The following ZFYVE27 variants were observed in gnomAD, a reference collection of about 807,000 sequenced individuals.
ZFYVE27 encodes the protein protrudin.
ZFYVE27 carries 36 observed loss-of-function variants against 52.8 expected under a neutral mutation model. The observed-to-expected ratio is 0.68, with a 90% confidence interval of 0.52 to 0.90. ZFYVE27 has a LOEUF of 0.90. ZFYVE27 is among the 40% of genes least tolerant of loss of function. ZFYVE27 has a pLI of 0.00. For missense variants in ZFYVE27, 450 were observed against 527.2 expected (o/e 0.85, Z 1.43); for synonymous variants, 223 against 215.6 (o/e 1.03, Z -0.30).
At chr10:97,752,778 GC>G in intron 8 of ZFYVE27, 78 bp from the exon 9 acceptor site, 1 of 1,539,272 alleles carries the variant, frequency 6.5e-7, no homozygotes, top group Non-Finnish European at 8.8e-7. Flanking sequence ...CTGCTTGGGG[GC>G]CCCTCCAGGT....
chr10:97,759,388 G>C lies in ZFYVE27; in HGVS notation c.*88G>C, dbSNP rs565747755. The C allele has an allele frequency of 2.1e-6, 3 of 1,432,162 alleles. No homozygotes were observed. In the East Asian group the frequency reaches 6.8e-5, roughly 33 times the overall value. 88.7% of individuals were successfully genotyped at this position (1,432,162 alleles called of 1,614,324 possible). A position where few individuals can be genotyped will look rare whatever the true frequency, so the allele number is the denominator to read the frequency against. Reference sequence around the variant, plus strand: ...CCCCACCCCTGGCCCACTGTGGTGTGTGCTGGGCAAATGTGGCCTGAATGC... The same window carrying C: ...CCCCACCCCTGGCCCACTGTGGTGTCTGCTGGGCAAATGTGGCCTGAATGC... On this transcript the variant is annotated 3_prime_UTR_variant, in exon 13 of 13. Transcript: ENST00000684270.
intron 2 of ZFYVE27, among the ~76,000 whole-genome samples, chr10:97,740,475 G>T (rs2043323119): frequency 6.6e-6 from 1 of 152,252 alleles, no homozygotes; most frequent in Non-Finnish European, 1.5e-5. Context: ...CACATTCTTT[G>T]TATGTGTGTG....
chr10:97,739,590 T>G (rs891641273), intron 2 of ZFYVE27, among the ~76,000 whole-genome samples: 1 of 152,218 alleles, frequency 6.6e-6, no homozygotes, highest in Non-Finnish European at 1.5e-5. Context: ...CCTAACAAAA[T>G]TAATAACTCC....
intron 8 of ZFYVE27, 80 bp from the exon 9 acceptor site, chr10:97,752,777 G>T (rs1218420656): frequency 1.3e-6 from 2 of 1,538,688 alleles, no homozygotes; most frequent in Non-Finnish European, 1.8e-6. Context: ...TCTGCTTGGG[G>T]GCCCCTCCAG....
At chr10:97,747,900 A>G (rs1225803732) in intron 4 of ZFYVE27, among the ~76,000 whole-genome samples, 5 of 152,144 alleles carry the variant, frequency 3.3e-5, no homozygotes, top group Non-Finnish European at 5.9e-5. Context: ...AGAGAATATC[A>G]TGCCATTTAT....
At chr10:97,753,538 C>T (rs763402458) in intron 10 of ZFYVE27, among the ~76,000 whole-genome samples, 2 of 152,188 alleles carry the variant, frequency 1.3e-5, no homozygotes, top group Non-Finnish European at 2.9e-5. Context: ...AGTAGAGTCT[C>T]ACTGCCTGCT....
intron 10 of ZFYVE27, chr10:97,754,869 G>C (rs1172606268): frequency 1.6e-6 from 2 of 1,272,022 alleles, no homozygotes; most frequent in African/African-American, 1.5e-5. Flanking sequence ...GTACTTAGCT[G>C]TTCCCATTTT....
rs200254755 is a variant in ZFYVE27 at position 97,739,232 on chromosome 10, A to AT, written c.197+560dup. Among the ~76,000 whole-genome samples the AT allele has an allele frequency of 1.0e-3, 156 of 150,866 alleles. 1 individual carries two copies. The highest frequency in any genetic ancestry group is 3.7e-3 in the African/African-American group (150 of 40,878). On this transcript the variant is annotated intron_variant, in intron 2 of 12. Coordinates refer to ENST00000684270, the MANE Select transcript of ZFYVE27 (RefSeq NM_001385875.1). ...CTACCTCAGCCACCATGCCTGGCTA[A>AT]TTAAAAAAAAAAAAAAATTGTAGAG...
At chr10:97,749,325 A>G (rs569324414) in intron 5 of ZFYVE27, 149 bp from the exon 6 acceptor site, 22 of 714,910 alleles carry the variant, frequency 3.1e-5, no homozygotes, top group Middle Eastern at 6.9e-4. Flanking sequence ...CTTCATCGCC[A>G]TTTTCCGCTG....
In ZFYVE27 at chr10:97,753,105, G is replaced by A; in HGVS notation, c.965G>A (p.Ser322Asn). ...GCCCTGCAGGACAACGGGTTCCTGA[G>A]CAAGAATGAGGTGCTGCGCAGCAAG... ...ELALQDNGFL[S>N]KNEVLRSKVS... The change falls in exon 10 of 13, where the codon AGC becomes AAC. Residue 322 changes from serine to asparagine, a missense_variant. Coordinates refer to ENST00000684270, the MANE Select transcript of ZFYVE27 (RefSeq NM_001385875.1). The A allele has an allele frequency of 8.1e-6, 13 of 1,611,536 alleles. No individual in the cohort carries two copies. Among genetic ancestry groups the A allele is most frequent in the Non-Finnish European group, 1.1e-5 (13 of 1,179,180 alleles).
rs145304227 is a variant in ZFYVE27, at chr10:97,745,428, C to T, written c.455+513C>T. 2.3e-3 allele frequency among the ~76,000 whole-genome samples: 354 copies of T among 152,178 alleles called. 9 individuals are homozygous for T. The highest frequency in any genetic ancestry group is 7.8e-3 in the African/African-American group (325 of 41,450). The stretch of plus-strand genomic sequence containing the variant: ...TCTCTTGACCTTGTGATCCGCCCGC[C>T]TCGGCCTCCCAAAATGCTGGAATTA... On this transcript the variant is annotated intron_variant, in intron 4 of 12. Transcript: ENST00000684270.
At chr10:97,754,891 AC>A in intron 10 of ZFYVE27, 1 of 1,206,684 alleles carries the variant, frequency 8.3e-7, no homozygotes, top group South Asian at 1.4e-5. Context: ...CAGATGAATA[AC>A]CTGAGGTAAA....
At chr10:97,749,903 C>A in intron 6 of ZFYVE27, 1 of 420,034 alleles carries the variant, frequency 2.4e-6, no homozygotes, top group Non-Finnish European at 4.4e-6. Flanking sequence ...TGCCACCCAT[C>A]CCCTGGGGTG....
chr10:97,748,330 G>C lies in ZFYVE27; in HGVS notation c.517G>C (p.Val173Leu). ...LCCTCEAAYR[V>L]LHWENPVVSS... ...CTGCACATGTGAAGCCGCCTACCGC[G>C]TGCTGCACTGGGAGAACCCCGTCGT... The change falls in exon 5 of 13, where the codon GTG becomes CTG. Residue 173 changes from valine (V) to leucine (L), a missense_variant. Transcript: ENST00000684270. 6.2e-7 allele frequency: 1 copy of C among 1,614,152 alleles called. No individual in the cohort carries two copies. The highest frequency in any genetic ancestry group is 8.5e-7 in the Non-Finnish European group (1 of 1,180,044).
At chr10:97,750,542 C>T (rs1289690632) in intron 7 of ZFYVE27, 72 bp downstream of exon 7, 63 of 1,596,368 alleles carry the variant, frequency 3.9e-5, no homozygotes, top group Non-Finnish European at 1.7e-6. Context: ...TTGTTTTTGG[C>T]TCCTGGGCTG....
At chr10:97,754,727 G>A in intron 10 of ZFYVE27, 3 of 1,289,356 alleles carry the variant, frequency 2.3e-6, no homozygotes, top group Non-Finnish European at 3.0e-6. Flanking sequence ...CTTACCGTAG[G>A]TGTGACAGGA....
chr10:97,757,570 A>C, intron 11 of ZFYVE27, 72 bp from the exon 12 acceptor site: 1 of 1,520,638 alleles, frequency 6.6e-7, no homozygotes, highest in Non-Finnish European at 9.1e-7. Context: ...AGCTGGTGGA[A>C]AGGAGGGAGG....
At chr10:97,753,738 G>C (rs533252516) in intron 10 of ZFYVE27, among the ~76,000 whole-genome samples, 1 of 152,152 alleles carries the variant, frequency 6.6e-6, no homozygotes, top group Admixed American at 6.5e-5. Context: ...TAGTGGGTGC[G>C]GTTAATGTGG....
chr10:97,744,472 G>A (rs12256350), intron 3 of ZFYVE27, among the ~76,000 whole-genome samples: 2,451 of 152,356 alleles, frequency 0.016, 58 homozygotes, highest in African/African-American at 0.053. Context: ...CAAAGTCCCA[G>A]CCCTCAAGAG....
Sources: gnomAD v4.1 joint callset for allele counts (sites outside exome capture counted in the v4.1 genomes callset) on GRCh38, gnomAD v4.1.1 for gene constraint, MANE v1.5 for transcripts, NCBI Gene and HGNC (gene_info 2026-07-23, HGNC 2026-07-21) for gene names.